Variants in PDE3B observed in about 807,000 individuals in gnomAD.
PDE3B encodes the protein phosphodiesterase 3B, also known as cGMP-inhibited 3',5'-cyclic phosphodiesterase 3B.
A neutral mutation model predicts 116.8 loss-of-function variants in PDE3B; 66 were observed. That is an observed-to-expected ratio of 0.56 (90% confidence interval 0.46 to 0.69). The LOEUF (loss-of-function observed/expected upper bound fraction) is 0.69, where lower values mean the gene tolerates loss of function less well. PDE3B is among the 30% of genes least tolerant of loss of function. The pLI, the probability that PDE3B is intolerant of heterozygous loss-of-function variation, is 0.00. For synonymous variants in PDE3B, 595 were observed against 533.6 expected (o/e 1.12, Z -1.59); for missense variants, 1,384 against 1,368.1 (o/e 1.01, Z -0.18).
chr11:14,858,621 G>T (rs1051092155), intron 12 of PDE3B, among the ~76,000 whole-genome samples: 1 of 152,070 alleles, frequency 6.6e-6, no homozygotes, highest in Admixed American at 6.5e-5. Flanking sequence ...CATCACCATT[G>T]ACTCCAGAAT....
chr11:14,727,445 G>A, intron 1 of PDE3B, among the ~76,000 whole-genome samples: 1 of 152,088 alleles, frequency 6.6e-6, no homozygotes, highest in East Asian at 1.9e-4. Context: ...GTGGCTACAG[G>A]TATGATTGTA....
intron 2 of PDE3B, 32 bp downstream of exon 2, chr11:14,772,019 T>G (rs772061383): frequency 1.1e-6 from 1 of 885,420 alleles, no homozygotes; most frequent in Non-Finnish European, 1.8e-6. Context: ...GATGAATATC[T>G]AAATAATATC....
chr11:14,789,242 G>A lies in PDE3B; in HGVS notation c.1415G>A (p.Ser472Asn), dbSNP rs1396050656. Residue 472 changes from serine (S) to asparagine (N), a missense_variant and splice_region_variant, in exon 4 of 16, where the codon AGT (serine) becomes AAT (asparagine). Physicochemically the swap from Ser to Asn is conservative, Grantham distance 46. Transcript: ENST00000282096. ...CCTCACCAAGAATTTGGCATTTCAA[G>A]GTAAAATCTGCAGAGCCTTTTAAGA... ...KRPHQEFGIS[S>N]QGCYLNGPFN... 1.9e-6 allele frequency: 3 copies of A among 1,600,994 alleles called. No homozygotes were observed. In the East Asian group the frequency reaches 6.7e-5, roughly 36 times the overall value.
rs1298778986 is a variant in PDE3B at position 14,811,215 on chromosome 11, T to C, written c.1523-6968T>C. ...ATTTTGGCTTTTGTTGCCATTGCTTTTGGTGTTTTAGACATGAAGTCCTTG... is the reference window on the plus strand; with the variant it reads ...ATTTTGGCTTTTGTTGCCATTGCTTCTGGTGTTTTAGACATGAAGTCCTTG... On this transcript the variant is annotated intron_variant, in intron 5 of 15. Transcript: ENST00000282096. Among the ~76,000 whole-genome samples, 3 of 152,084 alleles carry C rather than the reference T, an allele frequency of 2.0e-5. No individual in the cohort carries two copies. The South Asian group carries it at 6.2e-4, about 32-fold the overall frequency.
At chr11:14,750,140 A>G (rs914149353) in intron 1 of PDE3B, among the ~76,000 whole-genome samples, 1 of 151,722 alleles carries the variant, frequency 6.6e-6, no homozygotes, top group South Asian at 2.1e-4. Flanking sequence ...AATTGATTGA[A>G]TGAGGTCCAC....
intron 11 of PDE3B, among the ~76,000 whole-genome samples, chr11:14,839,083 T>TA (rs759011916): frequency 8.1e-4 from 123 of 152,324 alleles, no homozygotes; most frequent in Non-Finnish European, 1.2e-3. Context: ...AGTGAAATGC[T>TA]ATGCTGGTCC....
At chr11:14,803,393 A>C (rs1036279133) in intron 4 of PDE3B, among the ~76,000 whole-genome samples, 5 of 152,194 alleles carry the variant, frequency 3.3e-5, no homozygotes, top group Non-Finnish European at 7.3e-5. Context: ...AGGGAACAGA[A>C]AAAAATGAAA....
intron 1 of PDE3B, among the ~76,000 whole-genome samples, chr11:14,711,325 C>T (rs900327759): frequency 2.0e-5 from 3 of 152,112 alleles, no homozygotes; most frequent in Non-Finnish European, 4.4e-5. Flanking sequence ...TTGTCTGAAG[C>T]TTAAGAGGTG....
chr11:14,892,037 C>A, the PDE3B span: 3 of 1,613,274 alleles, frequency 1.9e-6, no homozygotes, highest in Admixed American at 3.3e-5. Context: ...TCGGATGAGG[C>A]TGCCAGGGAA....
At chr11:14,818,076 C>G in intron 5 of PDE3B, 107 bp from the exon 6 acceptor site, 1 of 731,522 alleles carries the variant, frequency 1.4e-6, no homozygotes, top group Non-Finnish European at 2.2e-6. Flanking sequence ...AAATAATCTG[C>G]TTTTTTTAAA....
intron 12 of PDE3B, among the ~76,000 whole-genome samples, chr11:14,851,529 TGTG>T (rs1223492276): frequency 1.2e-4 from 18 of 151,962 alleles, no homozygotes; most frequent in African/African-American, 4.1e-4. Context: ...TGTGTGTGTG[TGTG>T]TGTTAATGGG....
chr11:14,674,353 G>A (rs1854466521), intron 1 of PDE3B: 1 of 798,242 alleles, frequency 1.3e-6, no homozygotes, highest in Non-Finnish European at 2.2e-6. Flanking sequence ...CTGCAAATTA[G>A]TGTCCTTGTA....
intron 2 of PDE3B, among the ~76,000 whole-genome samples, chr11:14,779,938 C>T (rs547656734): frequency 6.7e-6 from 1 of 149,556 alleles, no homozygotes; most frequent in Non-Finnish European, 1.5e-5. Context: ...CGTGCAGAGA[C>T]ACGCATAGGC....
intron 13 of PDE3B, among the ~76,000 whole-genome samples, 169 bp from the exon 14 acceptor site, chr11:14,861,036 T>C (rs1217505036): frequency 6.6e-6 from 1 of 152,122 alleles, no homozygotes; most frequent in Admixed American, 6.5e-5. Flanking sequence ...ATTTAACCAA[T>C]AGAGGTCCAT....
chr11:14,850,543 T>C (rs1847723658), intron 12 of PDE3B, among the ~76,000 whole-genome samples: 1 of 152,184 alleles, frequency 6.6e-6, no homozygotes. Flanking sequence ...GCCCATTGTA[T>C]GGCTAGAAAG....
At chr11:14,836,043 AGTT>A (rs1377604945) in intron 11 of PDE3B, among the ~76,000 whole-genome samples, 2 of 152,234 alleles carry the variant, frequency 1.3e-5, no homozygotes, top group Non-Finnish European at 2.9e-5. Context: ...ACATTTTGGT[AGTT>A]GAGTCTAAAG....
At chr11:14,714,539 CA>C (rs759855381) in intron 1 of PDE3B, among the ~76,000 whole-genome samples, 13,991 of 76,136 alleles carry the variant, frequency 0.18, 754 homozygotes, top group East Asian at 0.33. Context: ...AACCCTGTCT[CA>C]AAAAAAAAAA....
At chr11:14,800,971 G>A (rs927622103) in intron 4 of PDE3B, among the ~76,000 whole-genome samples, 2 of 151,872 alleles carry the variant, frequency 1.3e-5, no homozygotes, top group Admixed American at 1.3e-4. Flanking sequence ...TATGCCTCAC[G>A]AAGTTCTCGT....
chr11:14,674,292 C>T lies in PDE3B; in HGVS notation c.978+29239C>T. The stretch of plus-strand genomic sequence containing the variant: ...TCTTTCCTGGGGCAGCCCCTATCGT[C>T]TTCCCCTCTGCATACTGCTCCTGAT... On this transcript the variant is annotated intron_variant, in intron 1 of 15. Coordinates refer to ENST00000282096, the MANE Select transcript of PDE3B (RefSeq NM_000922.4). The T allele has an allele frequency of 7.5e-6, 8 of 1,065,834 alleles. No homozygotes were observed. The South Asian group carries it at 1.0e-4, about 13-fold the overall frequency. The allele number at this position is 1,065,834 out of a possible 1,614,324, so 66.0% of individuals were successfully genotyped here.
Sources: gnomAD v4.1 joint callset for allele counts (sites outside exome capture counted in the v4.1 genomes callset) on GRCh38, gnomAD v4.1.1 for gene constraint, MANE v1.5 for transcripts, NCBI Gene and HGNC (gene_info 2026-07-23, HGNC 2026-07-21) for gene names.